Variants in DNAH7 observed in about 807,000 individuals in gnomAD.
The protein encoded by DNAH7 is dynein axonemal heavy chain 7, also known as axonemal beta dynein heavy chain 7.
In DNAH7, 397 loss-of-function variants were observed where a neutral mutation model predicts 444.6. The ratio of observed to expected loss-of-function variants is 0.89; its 90% CI spans 0.82 to 0.97. The LOEUF (loss-of-function observed/expected upper bound fraction) is 0.97, where lower values mean the gene tolerates loss of function less well. Ranked by LOEUF, DNAH7 falls within the 50% of genes least tolerant of loss-of-function variation. The pLI is 0.00. For synonymous variants in DNAH7, 1,636 were observed against 1,624.4 expected, an observed-to-expected ratio of 1.01 and a Z score of -0.17; for missense variants, 4,902 against 4,800.8, an observed-to-expected ratio of 1.02 and a Z score of -0.62.
At chr2:195,927,989 T>C (rs927878869) in intron 21 of DNAH7, among the ~76,000 whole-genome samples, 17 of 152,156 alleles carry the variant, frequency 1.1e-4, no homozygotes, top group Non-Finnish European at 4.4e-5. Context: ...AGGGGGTATA[T>C]GTGCAGGTTT....
chr2:195,924,944 C>G (rs1245923990), intron 22 of DNAH7, among the ~76,000 whole-genome samples: 2 of 152,168 alleles, frequency 1.3e-5, no homozygotes, highest in Non-Finnish European at 2.9e-5. Context: ...GCTTTTTCTA[C>G]TTTAAAAACA....
intron 17 of DNAH7, among the ~76,000 whole-genome samples, chr2:195,964,019 T>A (rs1406608608): frequency 6.6e-6 from 1 of 152,178 alleles, no homozygotes; most frequent in Non-Finnish European, 1.5e-5. Flanking sequence ...AAGCTCTGAA[T>A]CCTAATTTGA....
At chr2:195,921,947 G>C (rs1688053204) in intron 24 of DNAH7, 141 bp downstream of exon 24, 1 of 561,496 alleles carries the variant, frequency 1.8e-6, no homozygotes, top group South Asian at 2.9e-5. Flanking sequence ...AGACAAACCT[G>C]AGAGGAAAAT....
At chr2:195,923,851 A>C (rs1688175322) in intron 22 of DNAH7, 44 bp from the exon 23 acceptor site, 3 of 1,554,770 alleles carry the variant, frequency 1.9e-6, no homozygotes, top group Non-Finnish European at 2.7e-6. Context: ...ATGTGATCAA[A>C]ATTATTTTGA....
At chr2:195,800,661 T>C (rs1413739826) in intron 54 of DNAH7, among the ~76,000 whole-genome samples, 1 of 152,184 alleles carries the variant, frequency 6.6e-6, no homozygotes, top group Non-Finnish European at 1.5e-5. Flanking sequence ...CTGGCTCCCA[T>C]GTTCATGCCT....
At chr2:195,900,639 G>T (rs1686645789) in intron 27 of DNAH7, 145 bp from the exon 28 acceptor site, 1 of 726,720 alleles carries the variant, frequency 1.4e-6, no homozygotes, top group Admixed American at 2.9e-5. Context: ...GTGGTAACTA[G>T]AGGCTGGGAA....
intron 51 of DNAH7, among the ~76,000 whole-genome samples, chr2:195,812,190 C>T (rs945329633): frequency 6.6e-6 from 1 of 152,108 alleles, no homozygotes; most frequent in Non-Finnish European, 1.5e-5. Context: ...ATGCCCTCCT[C>T]CCTAACGCCC....
intron 1 of DNAH7, among the ~76,000 whole-genome samples, chr2:196,064,864 T>C (rs1698335860): frequency 6.6e-6 from 1 of 152,228 alleles, no homozygotes; most frequent in Non-Finnish European, 1.5e-5. Flanking sequence ...AATGTTTCTC[T>C]ATTACAAAAG....
intron 63 of DNAH7, among the ~76,000 whole-genome samples, chr2:195,745,259 T>C (rs1174900313): frequency 2.0e-5 from 3 of 151,976 alleles, no homozygotes; most frequent in Non-Finnish European, 4.4e-5. Context: ...GTATCAGTGA[T>C]GGAAGATGAA....
At chr2:195,992,153 T>C (rs558272689) in intron 12 of DNAH7, among the ~76,000 whole-genome samples, 8 of 152,110 alleles carry the variant, frequency 5.3e-5, no homozygotes, top group Admixed American at 4.6e-4. Flanking sequence ...CCAGATGAGA[T>C]AGATATGGGA....
chr2:195,808,677 C>G lies in DNAH7; in HGVS notation c.10083+5G>C, dbSNP rs775794504. On this transcript the variant is annotated splice_donor_5th_base_variant and intron_variant, in intron 53 of 64. Transcript: ENST00000312428. ...ATTGGAATAAGTGAGAGGGTTAAAA[C>G]ATACCAAACTATCATATACTTTCTT... 6.2e-7 allele frequency: 1 copy of G among 1,613,370 alleles called. No homozygotes were observed. The highest frequency in any genetic ancestry group is 2.2e-5 in the East Asian group (1 of 44,856).
chr2:195,861,306 T>C (rs1382562443), intron 42 of DNAH7, among the ~76,000 whole-genome samples: 1 of 152,240 alleles, frequency 6.6e-6, no homozygotes, highest in Non-Finnish European at 1.5e-5. Flanking sequence ...GTAAGTTTAC[T>C]CATGTTTATA....
chr2:195,876,919 G>A (rs1236671141), intron 36 of DNAH7, among the ~76,000 whole-genome samples: 1 of 151,978 alleles, frequency 6.6e-6, no homozygotes, highest in African/African-American at 2.4e-5. Flanking sequence ...ACAGCTACTG[G>A]GGAATACACA....
chr2:195,921,901 T>G, intron 24 of DNAH7, among the ~76,000 whole-genome samples, 187 bp downstream of exon 24: 1 of 151,984 alleles, frequency 6.6e-6, no homozygotes, highest in East Asian at 1.9e-4. Context: ...AGCCCTAGTA[T>G]TGAGAGGAGG....
chr2:195,964,170 A>G (rs542943654), intron 17 of DNAH7, among the ~76,000 whole-genome samples: 36 of 152,252 alleles, frequency 2.4e-4, no homozygotes, highest in South Asian at 1.7e-3. Flanking sequence ...TGTTTTTTCT[A>G]TTTCTGTGAG....
intron 17 of DNAH7, among the ~76,000 whole-genome samples, chr2:195,962,322 C>T (rs963079430): frequency 7.2e-5 from 11 of 152,166 alleles, no homozygotes; most frequent in African/African-American, 2.2e-4. Flanking sequence ...ATTTATCCTT[C>T]GTGTTATAAA....
chr2:195,897,620 A>G (rs1214619091), intron 29 of DNAH7, 47 bp downstream of exon 29: 2 of 1,095,374 alleles, frequency 1.8e-6, no homozygotes, highest in Non-Finnish European at 2.7e-6. Context: ...TGTGATAAAT[A>G]CATTATTATA....
At chr2:195,959,289 A>C (rs1402837517) in intron 18 of DNAH7, among the ~76,000 whole-genome samples, 2 of 152,114 alleles carry the variant, frequency 1.3e-5, no homozygotes, top group Non-Finnish European at 2.9e-5. Flanking sequence ...ACCTCTTTGC[A>C]CAAGAAGACC....
chr2:195,744,573 A>AC (rs1225666207), intron 63 of DNAH7, among the ~76,000 whole-genome samples: 2 of 152,058 alleles, frequency 1.3e-5, no homozygotes, highest in South Asian at 2.1e-4. Flanking sequence ...CTGACCCCTC[A>AC]CCCCCGAGCA....
Sources: gnomAD v4.1 joint callset for allele counts (sites outside exome capture counted in the v4.1 genomes callset) on GRCh38, gnomAD v4.1.1 for gene constraint, MANE v1.5 for transcripts, NCBI Gene and HGNC (gene_info 2026-07-23, HGNC 2026-07-21) for gene names.